The following C1QTNF7 variants were observed in gnomAD, a reference collection of about 807,000 sequenced individuals.
C1QTNF7 encodes the protein C1q and TNF related 7.
C1QTNF7 carries 15 observed loss-of-function variants against 19.6 expected under a neutral mutation model. That is an observed-to-expected ratio of 0.76 (90% CI 0.51 to 1.18). The LOEUF is 1.18. C1QTNF7 is among the 50% of genes most tolerant of loss of function. The pLI is 0.00. For synonymous variants in C1QTNF7, 142 were observed against 137.5 expected (o/e 1.03, Z -0.23); for missense variants, 324 against 359.7 (o/e 0.90, Z 0.80).
intron 1 of C1QTNF7, among the ~76,000 whole-genome samples, chr4:15,398,993 G>A (rs1378803644): frequency 6.6e-6 from 1 of 152,122 alleles, no homozygotes; most frequent in African/African-American, 2.4e-5. Context: ...TGGTTGGGAG[G>A]TGAGCATGCG....
chr4:15,392,698 G>C (rs762641158), intron 1 of C1QTNF7, among the ~76,000 whole-genome samples: 4 of 152,222 alleles, frequency 2.6e-5, no homozygotes, highest in Non-Finnish European at 4.4e-5. Flanking sequence ...CATTCCGTGT[G>C]AGTCTGTTTT....
chr4:15,409,586 G>A (rs1719330520), intron 1 of C1QTNF7, among the ~76,000 whole-genome samples: 1 of 152,180 alleles, frequency 6.6e-6, no homozygotes, highest in Non-Finnish European at 1.5e-5. Context: ...CTAGTGAGAT[G>A]CTGTTGGATC....
intron 1 of C1QTNF7, among the ~76,000 whole-genome samples, chr4:15,398,567 C>T (rs1718873975): frequency 6.6e-6 from 1 of 152,158 alleles, no homozygotes; most frequent in South Asian, 2.1e-4. Context: ...GTAGACAAGC[C>T]CTACTCAAAT....
intron 1 of C1QTNF7, among the ~76,000 whole-genome samples, chr4:15,398,277 G>C (rs1718863483): frequency 6.6e-6 from 1 of 152,158 alleles, no homozygotes; most frequent in Admixed American, 6.5e-5. Flanking sequence ...GTTACCAAGA[G>C]ATCTAATGAA....
intron 1 of C1QTNF7, among the ~76,000 whole-genome samples, chr4:15,399,689 T>G (rs1280865164): frequency 6.6e-6 from 1 of 152,220 alleles, no homozygotes; most frequent in African/African-American, 2.4e-5. Context: ...GTTAGCTTAA[T>G]TTGACTATCA....
rs1712465868 is a variant in C1QTNF7, at chr4:15,434,879, A to T, written c.-8-857A>T. 2.0e-5 allele frequency among the ~76,000 whole-genome samples: 3 copies of T among 152,160 alleles called. No homozygotes were observed. In the South Asian group the frequency reaches 6.2e-4, roughly 32 times the overall value. On this transcript the variant is annotated intron_variant, in intron 1 of 2. Coordinates refer to ENST00000444304, the MANE Select transcript of C1QTNF7 (RefSeq NM_031911.5). ...TAACAGCTTAATGGGACACCACGACATTATATCCTGCAGATTTTAAATTAA... is the reference window on the plus strand; with the variant it reads ...TAACAGCTTAATGGGACACCACGACTTTATATCCTGCAGATTTTAAATTAA...
chr4:15,393,663 TGGGG>T (rs1354816923), intron 1 of C1QTNF7, among the ~76,000 whole-genome samples: 5 of 152,308 alleles, frequency 3.3e-5, no homozygotes, highest in South Asian at 4.1e-4. Flanking sequence ...CTGTGTGACC[TGGGG>T]TAAGGGAGTT....
In C1QTNF7 at chr4:15,435,776, C is replaced by G; in HGVS notation, c.33C>G (p.Ala11=). 1.2e-6 allele frequency: 2 copies of G among 1,614,088 alleles called. No homozygotes were observed. The highest frequency in any genetic ancestry group is 1.7e-6 in the Non-Finnish European group (2 of 1,180,018). ...TCTTGCTCTATGTTACAAGTTTTGC[C>G]ATTTGTGCCAGTGGACAACCCCGGG... MFVLLYVTSF[A]ICASGQPRGN... is the part of the protein sequence containing the mutation. Residue 11 remains alanine (A), a synonymous_variant, in exon 2 of 3, where the codon GCC becomes GCG. Coordinates refer to ENST00000444304, the MANE Select transcript of C1QTNF7 (RefSeq NM_031911.5).
chr4:15,374,856 T>TCA, intron 1 of C1QTNF7: 1 of 589,412 alleles, frequency 1.7e-6, no homozygotes, highest in Non-Finnish European at 2.0e-6. Flanking sequence ...TTGGTGTTTC[T>TCA]CTCTCTCTCT....
At chr4:15,345,676 C>T (rs28452706) in intron 1 of C1QTNF7, among the ~76,000 whole-genome samples, 2,656 of 152,164 alleles carry the variant, frequency 0.017, 70 homozygotes, top group African/African-American at 0.061. Context: ...TAAGGTGTTC[C>T]GTCACTCAGC....
chr4:15,358,649 C>T (rs907323497), intron 1 of C1QTNF7: 1 of 152,092 alleles, frequency 6.6e-6, no homozygotes, highest in African/African-American at 2.4e-5. Flanking sequence ...TCTTCACCAT[C>T]CAGAATGTTT....
At chr4:15,406,427 T>G (rs897669467) in intron 1 of C1QTNF7, among the ~76,000 whole-genome samples, 1 of 152,158 alleles carries the variant, frequency 6.6e-6, no homozygotes, top group Non-Finnish European at 1.5e-5. Flanking sequence ...AAAATGAAGA[T>G]GAACTATGTG....
intron 1 of C1QTNF7, among the ~76,000 whole-genome samples, chr4:15,435,301 A>C (rs1264419555): frequency 6.6e-6 from 1 of 152,202 alleles, no homozygotes; most frequent in East Asian, 1.9e-4. Context: ...GTATAGACAA[A>C]AGAGACTGGA....
intron 1 of C1QTNF7, among the ~76,000 whole-genome samples, chr4:15,396,426 T>C (rs1236798649): frequency 6.6e-6 from 1 of 152,116 alleles, no homozygotes; most frequent in African/African-American, 2.4e-5. Flanking sequence ...AGTAGTACAA[T>C]TGTGCACTAT....
intron 1 of C1QTNF7, among the ~76,000 whole-genome samples, chr4:15,400,933 G>C (rs1452745927): frequency 6.6e-6 from 1 of 152,150 alleles, no homozygotes; most frequent in Non-Finnish European, 1.5e-5. Flanking sequence ...TCACCATGGA[G>C]GGGAAAGGGG....
chr4:15,361,590 C>A (rs770424702), intron 1 of C1QTNF7, among the ~76,000 whole-genome samples: 2 of 152,082 alleles, frequency 1.3e-5, no homozygotes, highest in Non-Finnish European at 2.9e-5. Context: ...AGAGGAATGA[C>A]ACAGTGTATT....
intron 1 of C1QTNF7, among the ~76,000 whole-genome samples, chr4:15,355,852 A>T (rs1411116907): frequency 6.6e-6 from 1 of 152,004 alleles, no homozygotes; most frequent in Non-Finnish European, 1.5e-5. Context: ...AAATAGCAAC[A>T]GTATTTTGTT....
At chr4:15,433,257 A>G (rs968491808) in intron 1 of C1QTNF7, among the ~76,000 whole-genome samples, 1 of 151,932 alleles carries the variant, frequency 6.6e-6, no homozygotes, top group Non-Finnish European at 1.5e-5. Flanking sequence ...GGCTCAAGTA[A>G]TCCTTCCACC....
intron 1 of C1QTNF7, among the ~76,000 whole-genome samples, chr4:15,396,412 G>A (rs1258784604): frequency 6.6e-6 from 1 of 152,062 alleles, no homozygotes; most frequent in African/African-American, 2.4e-5. Context: ...TGGAGGTCAG[G>A]CGAAGTAGTA....
Sources: gnomAD v4.1 joint callset for allele counts (sites outside exome capture counted in the v4.1 genomes callset) on GRCh38, gnomAD v4.1.1 for gene constraint, MANE v1.5 for transcripts, NCBI Gene and HGNC (gene_info 2026-07-23, HGNC 2026-07-21) for gene names.